Variants in CABIN1 observed in about 807,000 individuals in gnomAD.
CABIN1 encodes calcineurin-binding protein cabin-1.
A neutral mutation model predicts 227.7 loss-of-function variants in CABIN1; 133 were observed. That is an observed-to-expected ratio of 0.58 (90% confidence interval 0.51 to 0.67). CABIN1 has a LOEUF of 0.67. Among genes scored for constraint, CABIN1 ranks in the 30% least tolerant of loss-of-function variants. The pLI, the probability that CABIN1 is intolerant of heterozygous loss-of-function variation, is 0.00. For synonymous variants in CABIN1, 1,086 were observed against 1,155.1 expected (o/e 0.94, Z 1.21); for missense variants, 2,408 against 2,852.5 (o/e 0.84, Z 3.55).
chr22:24,054,831 C>T, intron 8 of CABIN1, 42 bp from the exon 9 acceptor site: 1 of 1,613,814 alleles, frequency 6.2e-7, no homozygotes, highest in Non-Finnish European at 8.5e-7. Flanking sequence ...GAGTATTCCT[C>T]TGACAGGGTG....
intron 15 of CABIN1, among the ~76,000 whole-genome samples, 195 bp from the exon 16 acceptor site, chr22:24,066,792 A>G (rs1303819260): frequency 6.6e-6 from 1 of 152,238 alleles, no homozygotes; most frequent in Non-Finnish European, 1.5e-5. Context: ...CCTAGCCATT[A>G]ATAGAAATAC....
intron 34 of CABIN1, 58 bp from the exon 35 acceptor site, chr22:24,176,053 C>G: frequency 6.4e-7 from 1 of 1,558,798 alleles, no homozygotes; most frequent in African/African-American, 1.4e-5. Context: ...GACACAGATG[C>G]GTTGGAGCCT....
At chr22:24,068,566 G>T (rs1980279922) in intron 16 of CABIN1, among the ~76,000 whole-genome samples, 1 of 152,222 alleles carries the variant, frequency 6.6e-6, no homozygotes, top group East Asian at 1.9e-4. Flanking sequence ...GCCGAATGCT[G>T]TGGAAGCTCC....
chr22:24,133,230 A>G (rs765034770), intron 28 of CABIN1, among the ~76,000 whole-genome samples: 15 of 152,156 alleles, frequency 9.9e-5, no homozygotes, highest in Non-Finnish European at 2.1e-4. Flanking sequence ...GTGGGGGCAG[A>G]AGGGTAGCCC....
At chr22:24,123,357 C>A (rs2043533534) in intron 28 of CABIN1, among the ~76,000 whole-genome samples, 2 of 152,216 alleles carry the variant, frequency 1.3e-5, no homozygotes, top group South Asian at 4.1e-4. Flanking sequence ...GCCACACTGC[C>A]TACCCACAGA....
At chr22:24,012,179 T>G (rs1002334537) in intron 1 of CABIN1, among the ~76,000 whole-genome samples, 3 of 152,192 alleles carry the variant, frequency 2.0e-5, no homozygotes, top group Non-Finnish European at 1.5e-5. Flanking sequence ...GGGTCCATAC[T>G]CTGTCTACTT....
chr22:24,099,597 G>T (rs2147424854), intron 26 of CABIN1, among the ~76,000 whole-genome samples: 1 of 152,296 alleles, frequency 6.6e-6, no homozygotes, highest in East Asian at 1.9e-4. Flanking sequence ...CCCCTTCTTA[G>T]TTAAGTTAAT....
intron 29 of CABIN1, among the ~76,000 whole-genome samples, chr22:24,162,677 A>G (rs1409529478): frequency 6.6e-6 from 1 of 152,208 alleles, no homozygotes; most frequent in Non-Finnish European, 1.5e-5. Flanking sequence ...GAGTCACAAT[A>G]GCATGGGGGT....
At chr22:24,051,108 T>C (rs751585538) in intron 8 of CABIN1, 134 bp downstream of exon 8, 3 of 1,123,714 alleles carry the variant, frequency 2.7e-6, no homozygotes, top group Non-Finnish European at 4.0e-6. Context: ...GGGTGCACAG[T>C]GGCCAAATGG....
chr22:24,063,223 GGTGT>G, intron 14 of CABIN1, 77 bp downstream of exon 14: 5 of 1,430,974 alleles, frequency 3.5e-6, no homozygotes, highest in African/African-American at 1.4e-5. Flanking sequence ...CCATGTTGAG[GGTGT>G]GTGTGTGTAT....
chr22:24,121,109 G>A (rs2043384507), intron 28 of CABIN1, among the ~76,000 whole-genome samples: 1 of 152,202 alleles, frequency 6.6e-6, no homozygotes, highest in Non-Finnish European at 1.5e-5. Context: ...TGACCTTTAG[G>A]GCCTAGCTGT....
chr22:24,093,009 G>A (rs2041651846), intron 24 of CABIN1, among the ~76,000 whole-genome samples: 1 of 152,116 alleles, frequency 6.6e-6, no homozygotes, highest in Non-Finnish European at 1.5e-5. Context: ...GATAGGTTTG[G>A]TTTCCTCTCC....
intron 24 of CABIN1, among the ~76,000 whole-genome samples, chr22:24,092,240 C>T (rs2041594878): frequency 6.6e-6 from 1 of 152,190 alleles, no homozygotes; most frequent in South Asian, 2.1e-4. Flanking sequence ...ATCCAAAGCC[C>T]AGCCTGTGCC....
intron 7 of CABIN1, 52 bp from the exon 8 acceptor site, chr22:24,050,773 C>G (rs2038263530): frequency 1.9e-6 from 3 of 1,609,460 alleles, no homozygotes; most frequent in Non-Finnish European, 2.6e-6. Context: ...AAATTTCAGC[C>G]TCAGTTTTAG....
At chr22:24,121,134 G>A (rs2043386349) in intron 28 of CABIN1, among the ~76,000 whole-genome samples, 2 of 152,248 alleles carry the variant, frequency 1.3e-5, no homozygotes, top group South Asian at 2.1e-4. Flanking sequence ...ACTCAGTCAG[G>A]TCCTCCTCCT....
In CABIN1 at chr22:24,178,231, G is replaced by T; in HGVS notation, c.*35G>T. On this transcript the variant is annotated 3_prime_UTR_variant, in exon 37 of 37. Coordinates refer to ENST00000263119, the MANE Select transcript of CABIN1 (RefSeq NM_012295.4). ...GCAGCCCCACCGCCACGCCCCAGGG[G>T]ACCAGCCAGGCCTGGAATGCCCCCT... is the stretch of plus-strand genomic sequence containing the variant. The T allele has an allele frequency of 6.2e-7, 1 of 1,611,438 alleles. No homozygotes were observed. The highest frequency in any genetic ancestry group is 8.5e-7 in the Non-Finnish European group (1 of 1,179,526).
At chr22:24,060,431 G>C (rs1223786142) in intron 12 of CABIN1, among the ~76,000 whole-genome samples, 1 of 152,052 alleles carries the variant, frequency 6.6e-6, no homozygotes, top group Non-Finnish European at 1.5e-5. Flanking sequence ...TGGTAATAGT[G>C]GGGTGCTGGT....
At chr22:24,129,546 GCTT>G (rs2043940813) in intron 28 of CABIN1, among the ~76,000 whole-genome samples, 1 of 152,240 alleles carries the variant, frequency 6.6e-6, no homozygotes, top group African/African-American at 2.4e-5. Flanking sequence ...AGACTGCTCA[GCTT>G]CTTTTCATTC....
At chr22:24,091,154 T>C (rs1415173013) in intron 23 of CABIN1, among the ~76,000 whole-genome samples, 1 of 152,172 alleles carries the variant, frequency 6.6e-6, no homozygotes, top group East Asian at 1.9e-4. Flanking sequence ...GGAAGTCCTC[T>C]TGTACCCCAG....
Sources: allele counts gnomAD v4.1 joint callset (sites outside exome capture counted in the v4.1 genomes callset), GRCh38; gene constraint gnomAD v4.1.1; transcripts MANE v1.5; gene names NCBI Gene and HGNC (gene_info 2026-07-23, HGNC 2026-07-21).